The following SLCO3A1 variants were observed in gnomAD, a reference collection of about 807,000 sequenced individuals.
SLCO3A1 encodes solute carrier organic anion transporter family member 3A1, also known as PGE1 transporter.
A neutral mutation model predicts 63.1 loss-of-function variants in SLCO3A1; 27 were observed. The observed-to-expected ratio is 0.43, with a 90% CI of 0.32 to 0.59. SLCO3A1 has a LOEUF of 0.59. Ranked by LOEUF, SLCO3A1 falls within the 20% of genes least tolerant of loss-of-function variation. The pLI is 0.09. For synonymous variants in SLCO3A1, 473 were observed against 409.9 expected, an observed-to-expected ratio of 1.15 and a Z score of -1.86; for missense variants, 773 against 945.8, an observed-to-expected ratio of 0.82 and a Z score of 2.40.
At chr15:91,867,358 A>G (rs1366815783) in intron 1 of SLCO3A1, among the ~76,000 whole-genome samples, 1 of 152,186 alleles carries the variant, frequency 6.6e-6, no homozygotes, top group Non-Finnish European at 1.5e-5. Context: ...TGTGCTCACC[A>G]GTATGGGTGC....
Position 91,942,460 on chromosome 15 carries a change from C to T in SLCO3A1, c.646+26002C>T, listed in dbSNP as rs886443348. 4.6e-5 allele frequency among the ~76,000 whole-genome samples: 7 copies of T among 152,330 alleles called. No homozygotes were observed. Among genetic ancestry groups the T allele is most frequent in the Admixed American group, 2.6e-4 (4 of 15,304 alleles). ...AACTGCAGGGGGCACCATGTAGAGA[C>T]CGTAGTTGGATGTGGCCTGGAGTTG... On this transcript the variant is annotated intron_variant, in intron 2 of 9. Coordinates refer to ENST00000318445, the MANE Select transcript of SLCO3A1 (RefSeq NM_013272.4). The surrounding 1 kb of genome is among the most constrained non-coding windows in gnomAD (Gnocchi z 4.1).
intron 2 of SLCO3A1, among the ~76,000 whole-genome samples, chr15:92,047,083 T>A (rs1462710391): frequency 1.4e-4 from 3 of 21,156 alleles, no homozygotes; most frequent in African/African-American, 5.5e-4. Flanking sequence ...ATATATATAA[T>A]ATATAAATAT....
Position 91,859,280 on chromosome 15 carries a change from A to T in SLCO3A1, c.180+5192A>T, listed in dbSNP as rs1181545972. Among the ~76,000 whole-genome samples, 2 of 152,222 alleles carry T rather than the reference A, an allele frequency of 1.3e-5. No individual in the cohort carries two copies. The highest frequency in any genetic ancestry group is 4.8e-5 in the African/African-American group (2 of 41,448). ...CTCGGAAATGCCTTTGGTAATCTGT[A>T]GGCCAGAAAGATAGCATCCTTACTC... On this transcript the variant is annotated intron_variant, in intron 1 of 9. Coordinates refer to ENST00000318445, the MANE Select transcript of SLCO3A1 (RefSeq NM_013272.4). This position sits in a 1 kb window ranked among gnomAD's most constrained non-coding sequence, Gnocchi z 5.1.
intron 2 of SLCO3A1, among the ~76,000 whole-genome samples, chr15:91,962,463 G>C (rs1418769710): frequency 9.1e-6 from 1 of 110,258 alleles, no homozygotes; most frequent in East Asian, 2.7e-4. Context: ...TGGGCAACAA[G>C]AGCGAAACTC....
chr15:91,865,399 T>A lies in SLCO3A1; in HGVS notation c.180+11311T>A, dbSNP rs538818512. Among the ~76,000 whole-genome samples the A allele has an allele frequency of 1.3e-4, 20 of 152,132 alleles. No individual in the cohort carries two copies. The highest frequency in any genetic ancestry group is 2.6e-4 in the Non-Finnish European group (18 of 68,010). On this transcript the variant is annotated intron_variant, in intron 1 of 9. Transcript: ENST00000318445. This position sits in a 1 kb window ranked among gnomAD's most constrained non-coding sequence, Gnocchi z 4.6. ...CTTGGAGGGGAGAGGGTGGATGAGA[T>A]GGTAGGCATTTCAGAAGGAAAAAAC... is the stretch of plus-strand genomic sequence containing the variant.
At chr15:92,158,624 G>A (rs576827340) in intron 9 of SLCO3A1, among the ~76,000 whole-genome samples, 86 of 152,282 alleles carry the variant, frequency 5.6e-4, no homozygotes, top group Non-Finnish European at 1.0e-3. Flanking sequence ...TGCAGGGACT[G>A]CCTGAGTTTT....
intron 1 of SLCO3A1, among the ~76,000 whole-genome samples, chr15:91,892,321 C>G (rs1391337647): frequency 6.6e-6 from 1 of 152,122 alleles, no homozygotes; most frequent in Non-Finnish European, 1.5e-5. Context: ...CAGTGTTTTT[C>G]ATTACTATTT....
At chr15:91,898,716 G>C (rs998766916) in intron 1 of SLCO3A1, among the ~76,000 whole-genome samples, 1 of 152,118 alleles carries the variant, frequency 6.6e-6, no homozygotes, top group South Asian at 2.1e-4. Context: ...AATTACTTCT[G>C]GGTGGGGGAG....
At chr15:92,047,542 T>A (rs1334203897) in intron 2 of SLCO3A1, among the ~76,000 whole-genome samples, 11 of 13,258 alleles carry the variant, frequency 8.3e-4, no homozygotes, top group African/African-American at 3.9e-3. Context: ...TAAATATATA[T>A]AATATATAAA....
chr15:92,171,935 C>T (rs1336699972), exon 11 of SLCO3A1: 97 of 1,153,984 alleles, frequency 8.4e-5, no homozygotes, highest in East Asian at 5.4e-4. Flanking sequence ...CCTCACTTAG[C>T]GCGCTCCTCC....
chr15:92,155,870 T>C (rs1194897915), intron 9 of SLCO3A1, among the ~76,000 whole-genome samples: 1 of 152,096 alleles, frequency 6.6e-6, no homozygotes, highest in Non-Finnish European at 1.5e-5. Context: ...TGTCTCAGGG[T>C]GTCATTAGGG....
rs372000641 is a variant in SLCO3A1 at position 92,143,393 on chromosome 15, TTA to T, written c.1513-3586_1513-3585del. 1.6e-3 allele frequency among the ~76,000 whole-genome samples: 6 copies of T among 3,664 alleles called. 1 individual carries two copies. The highest frequency in any genetic ancestry group is 7.7e-3 in the African/African-American group (6 of 780). 2.4% of individuals were successfully genotyped at this position (3,664 alleles called of 152,430 possible). A position where few individuals can be genotyped will look rare whatever the true frequency, so the allele number is the denominator to read the frequency against. On this transcript the variant is annotated intron_variant, in intron 7 of 9. Transcript: ENST00000318445. ...TTATATAATATATATAATATATATA[TTA>T]TATAATATATATAATATATATATTA...
intron 2 of SLCO3A1, among the ~76,000 whole-genome samples, chr15:91,940,588 G>A (rs1035258262): frequency 6.6e-6 from 1 of 152,134 alleles, no homozygotes; most frequent in African/African-American, 2.4e-5. Flanking sequence ...TTGTGACAGG[G>A]TGATCCAAGA....
chr15:92,003,938 C>T (rs1015421751), intron 2 of SLCO3A1, among the ~76,000 whole-genome samples: 4 of 152,230 alleles, frequency 2.6e-5, no homozygotes, highest in Admixed American at 1.3e-4. Context: ...CATGCTCACA[C>T]TGCTCAGCAG....
chr15:92,102,791 G>C (rs1020300697), intron 3 of SLCO3A1, among the ~76,000 whole-genome samples: 11 of 152,140 alleles, frequency 7.2e-5, no homozygotes, highest in African/African-American at 2.7e-4. Context: ...CATTCACCTC[G>C]GGCCCTACAG....
chr15:92,006,359 TG>T (rs1170633735), intron 2 of SLCO3A1, among the ~76,000 whole-genome samples: 2 of 152,184 alleles, frequency 1.3e-5, no homozygotes, highest in Non-Finnish European at 2.9e-5. Context: ...AGCGCCAGAT[TG>T]ACCTTTGTTA....
In SLCO3A1 at chr15:91,984,373, G is replaced by C. The variant is rs150388863; in HGVS notation, c.646+67915G>C. ...GGTGATTCCATCATCTTTCTTATCG[G>C]AGATTTACAAATAATTCTAAAAGTT... On this transcript the variant is annotated intron_variant, in intron 2 of 9. Transcript: ENST00000318445. 5.9e-3 allele frequency among the ~76,000 whole-genome samples: 898 copies of C among 152,180 alleles called. 11 individuals are homozygous for C. The highest frequency in any genetic ancestry group is 0.021 in the African/African-American group (861 of 41,514).
intron 2 of SLCO3A1, among the ~76,000 whole-genome samples, chr15:92,093,706 G>A (rs953269428): frequency 1.3e-5 from 2 of 152,116 alleles, no homozygotes; most frequent in African/African-American, 4.8e-5. Context: ...CCTGAGAATA[G>A]TACTTGGCAC....
rs1227639157 is a variant in SLCO3A1, at chr15:91,897,467, C to CAAAG, written c.181-18523_181-18522insGAAA. On this transcript the variant is annotated intron_variant, in intron 1 of 9. Coordinates refer to ENST00000318445, the MANE Select transcript of SLCO3A1 (RefSeq NM_013272.4). The surrounding 1 kb of genome is among the most constrained non-coding windows in gnomAD (Gnocchi z 4.7). Reference sequence around the variant, plus strand: ...CTCTGTCTAAAAACAAACAAACAAACAAACCCCCAAAACTTATAAAGCTGG... The same window carrying CAAAG: ...CTCTGTCTAAAAACAAACAAACAAACAAAGAAACCCCCAAAACTTATAAAGCTGG... Among the ~76,000 whole-genome samples, 2 of 152,182 alleles carry CAAAG rather than the reference C, an allele frequency of 1.3e-5. No individual in the cohort carries two copies. Among genetic ancestry groups the CAAAG allele is most frequent in the African/African-American group, 4.8e-5 (2 of 41,436 alleles).
Sources: gnomAD v4.1 joint callset for allele counts (sites outside exome capture counted in the v4.1 genomes callset) on GRCh38, gnomAD v4.1.1 for gene constraint, Gnocchi (gnomAD v3.1) non-coding constraint, MANE v1.5 for transcripts, NCBI Gene and HGNC (gene_info 2026-07-23, HGNC 2026-07-21) for gene names.